Variants in SAMD11 observed in about 807,000 individuals in gnomAD.
SAMD11 encodes the protein sterile alpha motif domain containing 11.
SAMD11 carries 77 observed loss-of-function variants against 64.4 expected under a neutral mutation model. That is an observed-to-expected ratio of 1.20 (90% CI 0.99 to 1.44). SAMD11 has a LOEUF of 1.44. Ranked by LOEUF, SAMD11 falls within the 40% of genes most tolerant of loss-of-function variation. The pLI, the probability that SAMD11 is intolerant of heterozygous loss-of-function variation, is 0.00. For synonymous variants in SAMD11, 658 were observed against 421.9 expected, an observed-to-expected ratio of 1.56 and a Z score of -6.86; for missense variants, 1,402 against 943.3, an observed-to-expected ratio of 1.49 and a Z score of -6.37.
In SAMD11 at chr1:942,219, TG is replaced by T; in HGVS notation, c.1447del (p.Val483CysfsTer81). On this transcript the variant is annotated frameshift_variant, in exon 9 of 14. Transcript: ENST00000616016. LOFTEE classifies it high-confidence loss of function. ...ALGPHLRPPF[L>X]GVPSALCQTP... The stretch of plus-strand genomic sequence containing the variant: ...GGCCCCCATCTCAGGCCCCCCTTCC[TG>T]GGGGTGCCCTCGGCTCTGTGCCAGA... 3.7e-6 allele frequency: 5 copies of T among 1,358,446 alleles called. No homozygotes were observed. The highest frequency in any genetic ancestry group is 2.8e-4 in the Middle Eastern group (1 of 3,562). 84.1% of individuals were successfully genotyped at this position (1,358,446 alleles called of 1,614,324 possible). A position where few individuals can be genotyped will look rare whatever the true frequency, so the allele number is the denominator to read the frequency against.
intron 4 of SAMD11, among the ~76,000 whole-genome samples, chr1:933,653 C>T (rs116296342): frequency 0.041 from 6,252 of 152,288 alleles, 367 homozygotes; most frequent in African/African-American, 0.13. Context: ...GACACCCCCG[C>T]GTCGATTAGG....
Position 943,353 on chromosome 1 carries a change from G to C in SAMD11, c.2154G>C (p.Leu718=), listed in dbSNP as rs201493695. The change falls in exon 12 of 14, where the codon CTG becomes CTC. Residue 718 remains leucine (L), a synonymous_variant. Coordinates refer to ENST00000616016, the MANE Select transcript of SAMD11 (RefSeq NM_001385641.1). The part of the protein sequence containing the change: ...VDDVCSFVGG[L]SGCGEYTRVF... ...ACGTCTGCAGCTTCGTGGGGGGCCT[G>C]TCTGGCTGTGGAGAGTACACTCGGG... 5 of 1,588,562 alleles carry C rather than the reference G, an allele frequency of 3.1e-6. No individual in the cohort carries two copies. In the Admixed American group the frequency reaches 6.9e-5, roughly 22 times the overall value.
rs112422281 is a variant in SAMD11, at chr1:943,273, A to G, written c.2074A>G (p.Met692Val). 292 of 1,612,538 alleles carry G rather than the reference A, an allele frequency of 1.8e-4. 2 individuals carry two copies. The African/African-American group carries it at 3.5e-3, about 19-fold the overall frequency. Residue 692 changes from methionine (M) to valine (V), a missense_variant, in exon 12 of 14, where the codon ATG becomes GTG. Coordinates refer to ENST00000616016, the MANE Select transcript of SAMD11 (RefSeq NM_001385641.1). ...FHTGAVGGLSMDGEEAPAPED... is the reference protein window; with the variant it reads ...FHTGAVGGLSVDGEEAPAPED... ...CTCAGGCGCGGTAGGGGGACTCTCCATGGATGGGGAGGAGGCCCCAGCCCC... is the reference window on the plus strand; with the variant it reads ...CTCAGGCGCGGTAGGGGGACTCTCCGTGGATGGGGAGGAGGCCCCAGCCCC...
In SAMD11 at chr1:941,791, C is replaced by T. The variant is rs955289437; in HGVS notation, c.1359-345C>T. Among the ~76,000 whole-genome samples the T allele has an allele frequency of 5.3e-5, 8 of 152,098 alleles. 1 individual carries two copies. The highest frequency in any genetic ancestry group is 4.1e-4 in the South Asian group (2 of 4,836). ...CGAGTCCCTGCCCGGCCGCTGAGCC[C>T]GGCGTCTGCAGCTGCCTCCACCGCC... is the stretch of plus-strand genomic sequence containing the variant. On this transcript the variant is annotated intron_variant, in intron 8 of 13. Coordinates refer to ENST00000616016, the MANE Select transcript of SAMD11 (RefSeq NM_001385641.1).
At position 931,019 on chromosome 1, in the gene SAMD11, T is replaced by G. The variant is rs1641142551; in HGVS notation, c.792-20T>G. On this transcript the variant is annotated intron_variant, in intron 3 of 13. Coordinates refer to ENST00000616016, the MANE Select transcript of SAMD11 (RefSeq NM_001385641.1). ...AGGGGCCTCCAGAGCAACATGGACC[T>G]TCTGCTTCCCTTCCTGCAGAGTCCA... 1 of 1,611,628 alleles carries G rather than the reference T, an allele frequency of 6.2e-7. No individual in the cohort carries two copies. Among genetic ancestry groups the G allele is most frequent in the Non-Finnish European group, 8.5e-7 (1 of 1,178,660 alleles).
chr1:926,044 G>A (rs771661212), intron 2 of SAMD11, 31 bp downstream of exon 2: 2 of 1,597,566 alleles, frequency 1.3e-6, no homozygotes, highest in South Asian at 2.2e-5. Context: ...GGGGCTGGGA[G>A]TTACTCTCCC....
At chr1:927,254 C>T (rs1557599572) in intron 2 of SAMD11, among the ~76,000 whole-genome samples, 2 of 152,224 alleles carry the variant, frequency 1.3e-5, no homozygotes, top group East Asian at 1.9e-4. Flanking sequence ...TCCTTTCAAG[C>T]AGCTGGTGCT....
rs1020493696 is a variant in SAMD11 at position 942,620 on chromosome 1, C to T, written c.1615C>T (p.Leu539=). 15 of 1,438,540 alleles carry T rather than the reference C, an allele frequency of 1.0e-5. No individual in the cohort carries two copies. The Admixed American group carries it at 2.0e-4, about 19-fold the overall frequency. 89.1% of individuals were successfully genotyped at this position (1,438,540 alleles called of 1,614,324 possible). A position where few individuals can be genotyped will look rare whatever the true frequency, so the allele number is the denominator to read the frequency against. Residue 539 remains leucine, a synonymous_variant, in exon 11 of 14, where the codon CTG becomes TTG. Transcript: ENST00000616016. ...GCTGGAGAGCGCGCGCCCACAGCTG[C>T]TGGCGCCCGAGACCGCCCTGCGCCC... The part of the protein sequence containing the change: ...KELESARPQL[L]APETALRPND...
Position 935,783 on chromosome 1 carries a change from A to G in SAMD11, c.854A>G (p.Asn285Ser), listed in dbSNP as rs532303792. 5 of 1,613,290 alleles carry G rather than the reference A, an allele frequency of 3.1e-6. No individual in the cohort carries two copies. The highest frequency in any genetic ancestry group is 2.2e-5 in the East Asian group (1 of 44,862). ...GTCTCGTTCTGCAGCCAGGACGGCA[A>G]CCTTCCCACCCTCATATCCAGCGTC... ...FREASCSQDG[N>S]LPTLISSVHR... The change falls in exon 5 of 14, where the codon AAC (asparagine) becomes AGC (serine). Residue 285 changes from asparagine to serine, a missense_variant. Physicochemically the swap from Asn to Ser is conservative, Grantham distance 46 (BLOSUM62 1). Transcript: ENST00000616016.
intron 5 of SAMD11, 23 bp from the exon 6 acceptor site, chr1:939,016 TG>T: frequency 6.4e-7 from 1 of 1,569,030 alleles, no homozygotes; most frequent in Non-Finnish European, 8.7e-7. Context: ...GAGATGCAGG[TG>T]GGCACTCACT....
intron 4 of SAMD11, among the ~76,000 whole-genome samples, chr1:934,073 G>T (rs372865707): frequency 0.02 from 41 of 2,078 alleles, 15 homozygotes; most frequent in South Asian, 0.059. Flanking sequence ...CAGGGGAGGC[G>T]GCTGCGTTAC....
In SAMD11 at chr1:943,381, AGG is replaced by A. The variant is rs35755565; in HGVS notation, c.2178+10_2178+11del. The A allele has an allele frequency of 6.5e-7, 1 of 1,534,842 alleles. No homozygotes were observed. The highest frequency in any genetic ancestry group is 8.8e-7 in the Non-Finnish European group (1 of 1,139,576). ...TGGCTGTGGAGAGTACACTCGGGTA[AGG>A]GGGGGCCCCAGTTCCTGGGGCGGGG... On this transcript the variant is annotated splice_donor_5th_base_variant and intron_variant, in intron 12 of 13. Coordinates refer to ENST00000616016, the MANE Select transcript of SAMD11 (RefSeq NM_001385641.1).
In SAMD11 at chr1:933,744, G is replaced by GT. The variant is rs909104788; in HGVS notation, c.843-2028_843-2027insT. Among the ~76,000 whole-genome samples the GT allele has an allele frequency of 1.5e-3, 223 of 151,938 alleles. 4 individuals carry two copies. The highest frequency in any genetic ancestry group is 2.5e-3 in the Non-Finnish European group (169 of 67,942). Reference sequence around the variant, plus strand: ...CCCAGCTGCCTTCCTATGTGCCTGGGGGGGGCTTCCTTTCCCACTGGGAGC... The same window carrying GT: ...CCCAGCTGCCTTCCTATGTGCCTGGGTGGGGGCTTCCTTTCCCACTGGGAGC... On this transcript the variant is annotated intron_variant, in intron 4 of 13. Transcript: ENST00000616016.
In SAMD11 at chr1:941,199, C is replaced by T. The variant is rs1353046274; in HGVS notation, c.1251C>T (p.Gly417=). The change falls in exon 8 of 14, where the codon GGC becomes GGT. Residue 417 remains glycine, a synonymous_variant. Coordinates refer to ENST00000616016, the MANE Select transcript of SAMD11 (RefSeq NM_001385641.1). ...CTGCAGCTCTGAGGGGCCCCAGTGG[C>T]CTGGAAGCCCACCTGCCCTCCTCCA... ...VAAAALRGPS[G]LEAHLPSSTA... The T allele has an allele frequency of 4.4e-6, 7 of 1,601,472 alleles. No individual in the cohort carries two copies. Among genetic ancestry groups the T allele is most frequent in the East Asian group, 2.3e-5 (1 of 44,266 alleles).
chr1:926,925 C>T (rs1450777609), intron 2 of SAMD11, among the ~76,000 whole-genome samples: 1 of 152,094 alleles, frequency 6.6e-6, no homozygotes, highest in Non-Finnish European at 1.5e-5. Flanking sequence ...CCCGGGCGTA[C>T]CTCCGCTTGC....
chr1:939,236 T>C, intron 6 of SAMD11, 39 bp from the exon 7 acceptor site: 1 of 1,563,154 alleles, frequency 6.4e-7, no homozygotes, highest in Non-Finnish European at 8.7e-7. Context: ...TCCTCGGCAG[T>C]GCCTGGAGAA....
chr1:943,819 G>A lies in SAMD11; in HGVS notation c.2289+11G>A. 6.2e-7 allele frequency: 1 copy of A among 1,612,942 alleles called. No individual in the cohort carries two copies. The highest frequency in any genetic ancestry group is 8.5e-7 in the Non-Finnish European group (1 of 1,179,988). Reference sequence around the variant, plus strand: ...AAGATCCGGGCCCAGGTGAGACGCTGGGGAGTGAGGTCAGGGTCTCCAGAC... The same window carrying A: ...AAGATCCGGGCCCAGGTGAGACGCTAGGGAGTGAGGTCAGGGTCTCCAGAC... On this transcript the variant is annotated intron_variant, in intron 13 of 13. Transcript: ENST00000616016.
Position 935,850 on chromosome 1 carries a change from C to T in SAMD11, c.921C>T (p.Arg307=), listed in dbSNP as rs764294659. The change falls in exon 5 of 14, where the codon CGC becomes CGT. Residue 307 remains arginine, a synonymous_variant. Transcript: ENST00000616016. ...RHLVMPEHQS[R]CEFQRGSLEI... ...TCGTTATGCCCGAGCATCAGAGCCG[C>T]TGTGAATTCCAGAGAGGCAGCCTGG... is the stretch of plus-strand genomic sequence containing the variant. 2.5e-6 allele frequency: 4 copies of T among 1,613,276 alleles called. No homozygotes were observed. Among genetic ancestry groups the T allele is most frequent in the South Asian group, 1.1e-5 (1 of 91,082 alleles).
chr1:943,683 C>T lies in SAMD11; in HGVS notation c.2179-15C>T. The T allele has an allele frequency of 4.5e-6, 7 of 1,544,546 alleles. No homozygotes were observed. The highest frequency in any genetic ancestry group is 6.1e-6 in the Non-Finnish European group (7 of 1,143,338). ...CAGCACCCGGGTCCTGACCCTCCCT[C>T]CCTCCCCCTTCCAGGTCTTCAGGGA... On this transcript the variant is annotated splice_polypyrimidine_tract_variant and intron_variant, in intron 12 of 13. Coordinates refer to ENST00000616016, the MANE Select transcript of SAMD11 (RefSeq NM_001385641.1).
Sources: gnomAD v4.1 joint callset for allele counts (sites outside exome capture counted in the v4.1 genomes callset) on GRCh38, gnomAD v4.1.1 for gene constraint, MANE v1.5 for transcripts, NCBI Gene and HGNC (gene_info 2026-07-23, HGNC 2026-07-21) for gene names.